Variants in WDPCP observed in about 807,000 individuals in gnomAD.
WDPCP encodes WD repeat-containing and planar cell polarity effector protein fritz homolog.
In WDPCP, 71 loss-of-function variants were observed where a neutral mutation model predicts 93.1. The ratio of observed to expected loss-of-function variants is 0.76; its 90% CI spans 0.63 to 0.93. The LOEUF is 0.93. Ranked by LOEUF, WDPCP falls within the 40% of genes least tolerant of loss-of-function variation. The pLI is 0.00. For synonymous variants in WDPCP, 315 were observed against 315.0 expected, an observed-to-expected ratio of 1.00 and a Z score of 0.00; for missense variants, 844 against 887.4, an observed-to-expected ratio of 0.95 and a Z score of 0.62.
intron 2 of WDPCP, among the ~76,000 whole-genome samples, chr2:63,800,652 T>C (rs1019711218): frequency 6.6e-6 from 1 of 152,186 alleles, no homozygotes; most frequent in African/African-American, 2.4e-5. Context: ...TAAAGCGATA[T>C]CTAAAAAATA....
intron 1 of WDPCP, among the ~76,000 whole-genome samples, chr2:63,522,674 T>C (rs188205165): frequency 1.3e-5 from 2 of 152,170 alleles, no homozygotes; most frequent in Admixed American, 1.3e-4. Context: ...TCAGAGACTA[T>C]TATGAACACC....
At chr2:63,713,447 A>G (rs1238515796) in intron 2 of WDPCP, among the ~76,000 whole-genome samples, 1 of 152,218 alleles carries the variant, frequency 6.6e-6, no homozygotes, top group Non-Finnish European at 1.5e-5. Context: ...CATCTTCAAT[A>G]GCAATGTCAT....
chr2:63,269,750 C>G (rs576412768), intron 13 of WDPCP, among the ~76,000 whole-genome samples: 1 of 152,250 alleles, frequency 6.6e-6, no homozygotes, highest in African/African-American at 2.4e-5. Context: ...TTTATGATTA[C>G]TGTGTTCTTG....
intron 13 of WDPCP, among the ~76,000 whole-genome samples, chr2:63,309,065 C>T (rs1275502613): frequency 1.3e-5 from 2 of 152,052 alleles, no homozygotes. Context: ...ATATTGGGTA[C>T]ACATGGACAT....
intron 12 of WDPCP, among the ~76,000 whole-genome samples, chr2:63,334,876 G>A (rs960867281): frequency 1.3e-5 from 2 of 152,018 alleles, no homozygotes; most frequent in African/African-American, 2.4e-5. Context: ...ATTTGCCCAC[G>A]AGGAAATTTC....
intron 9 of WDPCP, among the ~76,000 whole-genome samples, chr2:63,417,260 T>G (rs1695501492): frequency 6.6e-6 from 1 of 152,216 alleles, no homozygotes; most frequent in Non-Finnish European, 1.5e-5. Flanking sequence ...ATTTATATAG[T>G]GCAAACTGTT....
chr2:63,457,037 A>G (rs945761592), intron 6 of WDPCP, among the ~76,000 whole-genome samples: 1 of 152,216 alleles, frequency 6.6e-6, no homozygotes, highest in Non-Finnish European at 1.5e-5. Flanking sequence ...CAAAACAAAA[A>G]AAGAAAAGTT....
intron 10 of WDPCP, among the ~76,000 whole-genome samples, chr2:63,384,510 C>T (rs535774073): frequency 1.1e-4 from 17 of 152,202 alleles, no homozygotes; most frequent in South Asian, 8.3e-4. Context: ...CACACACACA[C>T]GTGCACCAAT....
chr2:63,141,182 G>A (rs1400009191), intron 17 of WDPCP, among the ~76,000 whole-genome samples: 3 of 151,926 alleles, frequency 2.0e-5, no homozygotes, highest in African/African-American at 4.8e-5. Flanking sequence ...GGGTTCAAGC[G>A]ATTCTCCTGT....
At chr2:63,741,825 A>G (rs1473879021) in intron 2 of WDPCP, among the ~76,000 whole-genome samples, 1 of 152,166 alleles carries the variant, frequency 6.6e-6, no homozygotes, top group Non-Finnish European at 1.5e-5. Context: ...ATATTATTCC[A>G]GACTTCTCTA....
intron 13 of WDPCP, among the ~76,000 whole-genome samples, chr2:63,305,000 C>T (rs1237774860): frequency 6.6e-6 from 1 of 152,100 alleles, no homozygotes; most frequent in East Asian, 1.9e-4. Flanking sequence ...ATGGGAAGAG[C>T]CCACCACAGA....
At chr2:63,706,602 T>TC (rs1669157989) in intron 2 of WDPCP, among the ~76,000 whole-genome samples, 1 of 124,518 alleles carries the variant, frequency 8.0e-6, no homozygotes, top group Non-Finnish European at 1.7e-5. Flanking sequence ...ATTCTTTTCT[T>TC]TTTTTTTTTT....
chr2:63,822,888 A>G (rs566485664), intron 1 of WDPCP, among the ~76,000 whole-genome samples: 1 of 150,582 alleles, frequency 6.6e-6, no homozygotes, highest in Non-Finnish European at 1.5e-5. Context: ...TATTTGGTAT[A>G]TATATATTCA....
chr2:63,457,695 G>A (rs552432024), intron 6 of WDPCP, among the ~76,000 whole-genome samples: 1 of 151,950 alleles, frequency 6.6e-6, no homozygotes, highest in Non-Finnish European at 1.5e-5. Flanking sequence ...CAGAATGAAA[G>A]ACAAAAATTA....
At chr2:63,303,652 T>G (rs965798551) in intron 13 of WDPCP, among the ~76,000 whole-genome samples, 1 of 152,110 alleles carries the variant, frequency 6.6e-6, no homozygotes, top group Non-Finnish European at 1.5e-5. Flanking sequence ...CAACAGACAG[T>G]GGGGCTAAGT....
At chr2:63,380,585 G>A (rs954918024) in intron 11 of WDPCP, among the ~76,000 whole-genome samples, 4 of 151,990 alleles carry the variant, frequency 2.6e-5, no homozygotes, top group Non-Finnish European at 5.9e-5. Flanking sequence ...TTAGCTGGGT[G>A]TGTGGTGCAC....
At chr2:63,472,732 G>GT (rs1312237893) in intron 6 of WDPCP, among the ~76,000 whole-genome samples, 7 of 152,056 alleles carry the variant, frequency 4.6e-5, no homozygotes, top group African/African-American at 1.7e-4. Context: ...GCTAATTTTT[G>GT]TATTTTTAGT....
intron 6 of WDPCP, chr2:63,442,531 C>A (rs886543729): frequency 6.6e-6 from 1 of 152,132 alleles, no homozygotes; most frequent in Non-Finnish European, 1.5e-5. Context: ...ATCCTCACTA[C>A]GTTGTTAACC....
At chr2:63,275,758 T>A (rs987867461) in intron 13 of WDPCP, among the ~76,000 whole-genome samples, 1 of 151,912 alleles carries the variant, frequency 6.6e-6, no homozygotes, top group African/African-American at 2.4e-5. Flanking sequence ...TGGAAAGACA[T>A]CCCATACTCA....
Sources: gnomAD v4.1 joint callset for allele counts (sites outside exome capture counted in the v4.1 genomes callset) on GRCh38, gnomAD v4.1.1 for gene constraint, MANE v1.5 for transcripts, NCBI Gene and HGNC (gene_info 2026-07-23, HGNC 2026-07-21) for gene names.